Variants in FSTL4 observed in about 807,000 individuals in gnomAD.
FSTL4 encodes the protein follistatin-related protein 4.
Under a neutral mutation model 78.2 loss-of-function variants are expected in FSTL4, and 28 were observed. The ratio of observed to expected loss-of-function variants is 0.36; its 90% CI spans 0.27 to 0.49. The LOEUF is 0.49. Among genes scored for constraint, FSTL4 ranks in the 20% least tolerant of loss-of-function variants. FSTL4 has a pLI of 0.98. For synonymous variants in FSTL4, 422 were observed against 440.5 expected, an observed-to-expected ratio of 0.96 and a Z score of 0.53; for missense variants, 922 against 1,084.9, an observed-to-expected ratio of 0.85 and a Z score of 2.11.
chr5:133,782,471 T>C, the FSTL4 span, among the ~76,000 whole-genome samples: 94,317 of 152,192 alleles, frequency 0.62, 32,204 homozygotes, highest in East Asian at 0.92. Context: ...TGACCTAAGA[T>C]GAGCCCGTCA....
intron 6 of FSTL4, among the ~76,000 whole-genome samples, chr5:133,249,842 C>T (rs1752164982): frequency 6.6e-6 from 1 of 152,214 alleles, no homozygotes; most frequent in South Asian, 2.1e-4. Context: ...CAATCTGGGC[C>T]ATAGATTTGT....
chr5:133,642,800 C>G, the FSTL4 span, among the ~76,000 whole-genome samples: 6 of 152,112 alleles, frequency 3.9e-5, no homozygotes, highest in African/African-American at 1.4e-4. Context: ...ACATGTACAA[C>G]AAGAAGACAA....
intron 4 of FSTL4, among the ~76,000 whole-genome samples, chr5:133,387,259 G>T (rs1214513090): frequency 1.3e-5 from 2 of 152,186 alleles, no homozygotes; most frequent in Non-Finnish European, 2.9e-5. Flanking sequence ...ATGGGCAGGT[G>T]CCAGTACTGG....
At chr5:133,528,664 G>A (rs1021027874) in intron 3 of FSTL4, among the ~76,000 whole-genome samples, 1 of 152,148 alleles carries the variant, frequency 6.6e-6, no homozygotes, top group Non-Finnish European at 1.5e-5. Flanking sequence ...CAGAACCCCT[G>A]CCCCACTCTT....
intron 3 of FSTL4, among the ~76,000 whole-genome samples, chr5:133,530,590 A>G (rs823987): frequency 0.36 from 55,302 of 152,144 alleles, 10,233 homozygotes; most frequent in East Asian, 0.42. Flanking sequence ...AGACACAGGC[A>G]TAATATCTTG....
At chr5:133,252,252 T>G (rs1046256124) in intron 6 of FSTL4, 2 of 152,224 alleles carry the variant, frequency 1.3e-5, no homozygotes, top group Non-Finnish European at 2.9e-5. Context: ...AGATTTTCCC[T>G]GCACGTCTGA....
chr5:133,750,610 G>A, the FSTL4 span, among the ~76,000 whole-genome samples: 2 of 152,134 alleles, frequency 1.3e-5, no homozygotes, highest in Admixed American at 6.5e-5. Context: ...GGGAAAACAA[G>A]TCCCTAGAGT....
At chr5:133,446,738 G>T (rs139242096) in intron 3 of FSTL4, among the ~76,000 whole-genome samples, 2 of 152,292 alleles carry the variant, frequency 1.3e-5, no homozygotes, top group African/African-American at 4.8e-5. Flanking sequence ...TTTCAGCACA[G>T]GCCCCTAAGA....
At chr5:133,726,736 T>C in the FSTL4 span, among the ~76,000 whole-genome samples, 1 of 152,210 alleles carries the variant, frequency 6.6e-6, no homozygotes, top group African/African-American at 2.4e-5. Flanking sequence ...ATAATGCACC[T>C]TCAGCTTCAA....
At chr5:133,490,181 T>C (rs1300615081) in intron 3 of FSTL4, among the ~76,000 whole-genome samples, 1 of 151,992 alleles carries the variant, frequency 6.6e-6, no homozygotes, top group Admixed American at 6.6e-5. Flanking sequence ...TGCCGGAATG[T>C]CCTACAATAG....
At chr5:133,801,941 C>T in the FSTL4 span, among the ~76,000 whole-genome samples, 4 of 152,228 alleles carry the variant, frequency 2.6e-5, no homozygotes, top group Admixed American at 2.6e-4. Flanking sequence ...CTACTCCTTT[C>T]ATCTCATCAA....
chr5:133,445,199 A>C (rs1321736593), intron 3 of FSTL4, among the ~76,000 whole-genome samples: 2 of 152,234 alleles, frequency 1.3e-5, no homozygotes, highest in African/African-American at 4.8e-5. Context: ...ATTTACTTTC[A>C]AAAATCGAGA....
chr5:133,693,908 T>G, the FSTL4 span, among the ~76,000 whole-genome samples: 4 of 152,190 alleles, frequency 2.6e-5, no homozygotes. Context: ...AACTGGTTGT[T>G]GCCCACCCAC....
At position 133,199,314 on chromosome 5, in the gene FSTL4, C is replaced by T; in HGVS notation, c.2310G>A (p.Lys770=). The T allele has an allele frequency of 6.2e-7, 1 of 1,614,102 alleles. No homozygotes were observed. Among genetic ancestry groups the T allele is most frequent in the East Asian group, 2.2e-5 (1 of 44,876 alleles). Reference sequence around the variant, plus strand: ...CCTTTAAGTTCTTCAGCATGCCCACCTTCCCCGTGGACAGCTCCAGGAACA... The same window carrying T: ...CCTTTAAGTTCTTCAGCATGCCCACTTTCCCCGTGGACAGCTCCAGGAACA... ...DLLFLELSTG[K]VGMLKNLKEP... Residue 770 remains lysine (K), a synonymous_variant, in exon 16 of 16, where the codon AAG becomes AAA. Coordinates refer to ENST00000265342, the MANE Select transcript of FSTL4 (RefSeq NM_015082.2). This position sits in a 1 kb window ranked among gnomAD's most constrained non-coding sequence, Gnocchi z 4.4.
At chr5:133,822,637 C>T in the FSTL4 span, among the ~76,000 whole-genome samples, 15 of 152,162 alleles carry the variant, frequency 9.9e-5, no homozygotes, top group Admixed American at 2.6e-4. Context: ...GTGAACATTC[C>T]GGGGGCGTCA....
At chr5:133,682,479 C>T in the FSTL4 span, among the ~76,000 whole-genome samples, 1 of 152,226 alleles carries the variant, frequency 6.6e-6, no homozygotes, top group Non-Finnish European at 1.5e-5. Flanking sequence ...TGCTAAACTC[C>T]AATGCTGGCA....
At chr5:133,829,993 T>A in the FSTL4 span, among the ~76,000 whole-genome samples, 2 of 152,052 alleles carry the variant, frequency 1.3e-5, no homozygotes, top group African/African-American at 2.4e-5. Flanking sequence ...ATCCCCCCGG[T>A]GACAGCCAAG....
At chr5:133,251,294 A>G (rs1405685187) in intron 6 of FSTL4, among the ~76,000 whole-genome samples, 1 of 152,076 alleles carries the variant, frequency 6.6e-6, no homozygotes, top group Non-Finnish European at 1.5e-5. Flanking sequence ...AGAGTAGAGG[A>G]GGCATCCTTT....
Position 133,603,941 on chromosome 5 carries a change from C to A in FSTL4, c.43G>T (p.Ala15Ser), listed in dbSNP as rs2112979956. Residue 15 changes from alanine (A) to serine (S), a missense_variant, in exon 2 of 16, where the codon GCC becomes TCC. Physicochemically the swap from Ala to Ser is moderately conservative, Grantham distance 99. Transcript: ENST00000265342. ...GFWLHLTLLGASLPAALGWMD... is the reference protein window; with the variant it reads ...GFWLHLTLLGSSLPAALGWMD... ...CATCCCAGCGCAGCCGGCAGGGAGG[C>A]TCCGAGCAGTGTGAGATGCAGCCAA... The A allele has an allele frequency of 6.2e-7, 1 of 1,613,592 alleles. No homozygotes were observed. Among genetic ancestry groups the A allele is most frequent in the South Asian group, 1.1e-5 (1 of 91,062 alleles).
Sources: gnomAD v4.1 joint callset for allele counts (sites outside exome capture counted in the v4.1 genomes callset) on GRCh38, gnomAD v4.1.1 for gene constraint, Gnocchi (gnomAD v3.1) non-coding constraint, MANE v1.5 for transcripts, NCBI Gene and HGNC (gene_info 2026-07-23, HGNC 2026-07-21) for gene names.